The following CNTNAP4 variants were observed in gnomAD, a reference collection of about 807,000 sequenced individuals.
The protein encoded by CNTNAP4 is contactin-associated protein-like 4.
CNTNAP4 carries 98 observed loss-of-function variants against 148.4 expected under a neutral mutation model. That is an observed-to-expected ratio of 0.66 (90% CI 0.56 to 0.78). The LOEUF (loss-of-function observed/expected upper bound fraction) is 0.78, where lower values mean the gene tolerates loss of function less well. CNTNAP4 is among the 30% of genes least tolerant of loss of function. CNTNAP4 has a pLI of 0.00. For missense variants in CNTNAP4, 1,935 were observed against 1,565.6 expected, an observed-to-expected ratio of 1.24 and a Z score of -3.98; for synonymous variants, 730 against 565.1, an observed-to-expected ratio of 1.29 and a Z score of -4.14.
Position 76,494,817 on chromosome 16 carries a change from C to G in CNTNAP4, c.2081-93C>G, listed in dbSNP as rs979481477. 3.9e-6 allele frequency: 5 copies of G among 1,291,250 alleles called. No homozygotes were observed. The African/African-American group carries it at 7.5e-5, about 19-fold the overall frequency. The allele number at this position is 1,291,250 out of a possible 1,614,324, so 80.0% of individuals were successfully genotyped here. ...ATCTTTCTCCTTTTCTCCTTTTATT[C>G]TTTTTAATGATTTTGGAAGAAAAGG... On this transcript the variant is annotated intron_variant, in intron 13 of 23. Transcript: ENST00000611870.
intron 14 of CNTNAP4, 47 bp downstream of exon 14, chr16:76,495,113 AAATT>A (rs1368177212): frequency 1.3e-6 from 2 of 1,598,210 alleles, no homozygotes; most frequent in Admixed American, 1.7e-5. Context: ...TCATTTAAAA[AAATT>A]AATCACTCAA....
At chr16:76,406,061 C>G (rs767582310) in intron 3 of CNTNAP4, among the ~76,000 whole-genome samples, 1 of 151,594 alleles carries the variant, frequency 6.6e-6, no homozygotes, top group Non-Finnish European at 1.5e-5. Context: ...ACAAAAAATA[C>G]AAAGAAAAAA....
intron 3 of CNTNAP4, among the ~76,000 whole-genome samples, chr16:76,381,330 C>G (rs764795668): frequency 2.6e-5 from 4 of 152,100 alleles, no homozygotes; most frequent in Non-Finnish European, 4.4e-5. Flanking sequence ...CACACAGTAG[C>G]CTCCCAGTGC....
At chr16:76,451,029 G>T (rs1397683280) in intron 7 of CNTNAP4, among the ~76,000 whole-genome samples, 2 of 152,174 alleles carry the variant, frequency 1.3e-5, no homozygotes, top group African/African-American at 2.4e-5. Flanking sequence ...TTGCCTGTGG[G>T]TAGCCACCAC....
chr16:76,521,105 T>C, intron 15 of CNTNAP4, 35 bp from the exon 16 acceptor site: 1 of 1,498,896 alleles, frequency 6.7e-7, no homozygotes. Context: ...GTTTTCTTTC[T>C]GAATTTTTTT....
rs371586768 is a variant in CNTNAP4 at position 76,452,536 on chromosome 16, C to G, written c.1100C>G (p.Pro367Arg). Residue 367 changes from proline to arginine, a missense_variant, in exon 8 of 24, where the codon CCA becomes CGA. Transcript: ENST00000611870. ...MGNVSFSCSQ[P>R]QSMPVTFLSS... The stretch of plus-strand genomic sequence containing the variant: ...AATGTGTCATTTTCTTGTTCACAAC[C>G]ACAATCTATGCCCGTGACTTTTCTG... 7.9e-5 allele frequency: 128 copies of G among 1,613,938 alleles called. 1 individual carries two copies. The East Asian group carries it at 1.1e-3, about 13-fold the overall frequency.
intron 14 of CNTNAP4, 41 bp from the exon 15 acceptor site, chr16:76,498,526 T>C: frequency 6.3e-7 from 1 of 1,586,996 alleles, no homozygotes; most frequent in Non-Finnish European, 8.6e-7. Context: ...TAAGGACTAT[T>C]AAAAGTTCTT....
At chr16:76,365,837 T>C (rs1407959933) in intron 3 of CNTNAP4, among the ~76,000 whole-genome samples, 2 of 151,254 alleles carry the variant, frequency 1.3e-5, no homozygotes, top group Non-Finnish European at 2.9e-5. Flanking sequence ...AACAACAAAA[T>C]TAATTTTTAA....
chr16:76,506,618 G>A (rs569084909), intron 15 of CNTNAP4, among the ~76,000 whole-genome samples: 5 of 91,532 alleles, frequency 5.5e-5, no homozygotes, highest in African/African-American at 1.3e-4. Context: ...TTACAGGCGT[G>A]TGCCACCAGG....
intron 10 of CNTNAP4, among the ~76,000 whole-genome samples, chr16:76,470,862 A>C (rs1055855262): frequency 2.0e-5 from 3 of 152,076 alleles, no homozygotes; most frequent in Non-Finnish European, 4.4e-5. Context: ...ACATGCACCA[A>C]TGTGGCCTTT....
chr16:76,413,512 C>A (rs80078861), intron 3 of CNTNAP4, among the ~76,000 whole-genome samples: 3,544 of 151,042 alleles, frequency 0.023, 95 homozygotes, highest in African/African-American at 0.073. Context: ...GAAGAACCTG[C>A]CAATAAGACA....
At chr16:76,514,678 T>A (rs1232395054) in intron 15 of CNTNAP4, among the ~76,000 whole-genome samples, 2 of 110,222 alleles carry the variant, frequency 1.8e-5, no homozygotes, top group African/African-American at 5.2e-5. Flanking sequence ...CCAGCCAGAT[T>A]TTATTTTCTT....
At position 76,280,689 on chromosome 16, in the gene CNTNAP4, A is replaced by G. The variant is rs555538372; in HGVS notation, c.85+2942A>G. ...TTATATTGAAGTGTCCCTTCCATCA[A>G]AGTTTAGAGACGGATCCTTGCAGAT... On this transcript the variant is annotated intron_variant, in intron 1 of 23. Coordinates refer to ENST00000611870, the MANE Select transcript of CNTNAP4 (RefSeq NM_033401.5). Among the ~76,000 whole-genome samples the G allele has an allele frequency of 2.6e-5, 4 of 152,192 alleles. No homozygotes were observed. The East Asian group carries it at 5.8e-4, about 22-fold the overall frequency.
chr16:76,356,648 C>T (rs537521631), intron 3 of CNTNAP4, among the ~76,000 whole-genome samples: 1 of 152,298 alleles, frequency 6.6e-6, no homozygotes, highest in African/African-American at 2.4e-5. Context: ...GAACTATTCT[C>T]CCCTCTCTGG....
At chr16:76,554,717 G>T (rs115097632) in intron 23 of CNTNAP4, among the ~76,000 whole-genome samples, 2,421 of 151,878 alleles carry the variant, frequency 0.016, 66 homozygotes, top group African/African-American at 0.053. Context: ...CATTGCCAGG[G>T]AGATACAATT....
chr16:76,467,548 G>T, intron 10 of CNTNAP4, 25 bp downstream of exon 10: 1 of 1,556,186 alleles, frequency 6.4e-7, no homozygotes, highest in South Asian at 1.2e-5. Flanking sequence ...ACTTCATTTT[G>T]ACCTGCTTTC....
intron 8 of CNTNAP4, among the ~76,000 whole-genome samples, chr16:76,455,074 C>G (rs2080670833): frequency 1.3e-5 from 2 of 152,132 alleles, no homozygotes; most frequent in East Asian, 3.9e-4. Flanking sequence ...CAGCTTAAAT[C>G]ATTTTTGAAA....
At chr16:76,504,480 A>G (rs963786694) in intron 15 of CNTNAP4, among the ~76,000 whole-genome samples, 3 of 152,212 alleles carry the variant, frequency 2.0e-5, no homozygotes, top group Non-Finnish European at 2.9e-5. Context: ...GATTAATCAT[A>G]AACTTAAATC....
chr16:76,426,403 A>G (rs2079404554), intron 3 of CNTNAP4, among the ~76,000 whole-genome samples: 1 of 152,182 alleles, frequency 6.6e-6, no homozygotes, highest in South Asian at 2.1e-4. Flanking sequence ...ATGAACCTGC[A>G]AATGTAGTTG....
Sources: allele counts gnomAD v4.1 joint callset (sites outside exome capture counted in the v4.1 genomes callset), GRCh38; gene constraint gnomAD v4.1.1; transcripts MANE v1.5; gene names NCBI Gene and HGNC (gene_info 2026-07-23, HGNC 2026-07-21).